The following ARPP21 variants were observed in gnomAD, a reference collection of about 807,000 sequenced individuals.
The protein encoded by ARPP21 is cAMP regulated phosphoprotein 21, also known as cAMP-regulated phosphoprotein 21.
A neutral mutation model predicts 113.2 loss-of-function variants in ARPP21; 69 were observed. The observed-to-expected ratio is 0.61, with a 90% CI of 0.50 to 0.74. The LOEUF is 0.74. ARPP21 is among the 30% of genes least tolerant of loss of function. The pLI is 0.00. For missense variants in ARPP21, 1,070 were observed against 1,037.4 expected (o/e 1.03, Z -0.43); for synonymous variants, 368 against 375.5 (o/e 0.98, Z 0.23).
chr3:35,703,373 A>G lies in ARPP21; in HGVS notation c.687-3601A>G, dbSNP rs552890534. Among the ~76,000 whole-genome samples the G allele has an allele frequency of 5.9e-5, 9 of 152,032 alleles. No individual in the cohort carries two copies. In the East Asian group the frequency reaches 1.4e-3, roughly 23 times the overall value. Reference sequence around the variant, plus strand: ...GTTTGTCAATTCATGAGCTATGCCCAGTGAAGGAACAATGAAGAATTAATT... The same window carrying G: ...GTTTGTCAATTCATGAGCTATGCCCGGTGAAGGAACAATGAAGAATTAATT... On this transcript the variant is annotated intron_variant, in intron 9 of 20. Transcript: ENST00000684406.
At chr3:35,786,854 A>G (rs925188221) in intron 19 of ARPP21, among the ~76,000 whole-genome samples, 4 of 152,136 alleles carry the variant, frequency 2.6e-5, no homozygotes, top group African/African-American at 9.7e-5. Flanking sequence ...AGGAACATCC[A>G]TGACCCCAAA....
intron 15 of ARPP21, among the ~76,000 whole-genome samples, 180 bp downstream of exon 15, chr3:35,729,716 A>G (rs2093809271): frequency 2.0e-5 from 3 of 152,216 alleles, no homozygotes; most frequent in South Asian, 2.1e-4. Context: ...CTATAACTCT[A>G]TATTTATATC....
intron 9 of ARPP21, among the ~76,000 whole-genome samples, chr3:35,696,472 T>A (rs894015047): frequency 6.6e-6 from 1 of 151,540 alleles, no homozygotes; most frequent in Non-Finnish European, 1.5e-5. Context: ...TGGGTCTTAA[T>A]AGCTGGGACT....
intron 1 of ARPP21, among the ~76,000 whole-genome samples, chr3:35,664,512 TC>T (rs1480286285): frequency 6.6e-6 from 1 of 152,120 alleles, no homozygotes; most frequent in African/African-American, 2.4e-5. Flanking sequence ...CAACTTCAAG[TC>T]CCCAGGTGGC....
Position 35,789,017 on chromosome 3 carries a change from A to G in ARPP21, c.2138-3365A>G, listed in dbSNP as rs183506082. Reference sequence around the variant, plus strand: ...TGAAAATTGAATCGATCTTGACTGAAAAAGAAATAATAAAAATAGCTAATG... The same window carrying G: ...TGAAAATTGAATCGATCTTGACTGAGAAAGAAATAATAAAAATAGCTAATG... On this transcript the variant is annotated intron_variant, in intron 19 of 20. Coordinates refer to ENST00000684406, the MANE Select transcript of ARPP21 (RefSeq NM_001385562.1). 2.6e-5 allele frequency among the ~76,000 whole-genome samples: 4 copies of G among 152,358 alleles called. No homozygotes were observed. In the East Asian group the frequency reaches 7.7e-4, roughly 29 times the overall value.
intron 1 of ARPP21, among the ~76,000 whole-genome samples, chr3:35,643,371 A>T (rs1698888280): frequency 6.6e-6 from 1 of 152,112 alleles, no homozygotes; most frequent in African/African-American, 2.4e-5. Context: ...TAAGGAAAAT[A>T]CATCACAATG....
intron 19 of ARPP21, among the ~76,000 whole-genome samples, chr3:35,769,559 T>G (rs2096119645): frequency 6.6e-6 from 1 of 152,298 alleles, no homozygotes; most frequent in East Asian, 1.9e-4. Flanking sequence ...ATTTAAAAAT[T>G]ATTTAATGGT....
At chr3:35,757,059 C>T (rs1312914099) in intron 19 of ARPP21, among the ~76,000 whole-genome samples, 2 of 145,678 alleles carry the variant, frequency 1.4e-5, no homozygotes, top group African/African-American at 5.2e-5. Context: ...GTTTGAAGTG[C>T]CTTTTAGTGA....
chr3:35,730,281 C>G (rs12635405), intron 15 of ARPP21, among the ~76,000 whole-genome samples: 54,442 of 152,150 alleles, frequency 0.36, 10,980 homozygotes, highest in East Asian at 0.72. Context: ...AGCCAATGAA[C>G]TCAGGAACAT....
intron 8 of ARPP21, 63 bp downstream of exon 8, chr3:35,690,203 T>C: frequency 1.2e-6 from 1 of 822,548 alleles, no homozygotes. Flanking sequence ...TGGAGTTAAA[T>C]TGTCCATTCT....
At chr3:35,708,838 CAG>C in intron 10 of ARPP21, 129 bp from the exon 11 acceptor site, 1 of 661,308 alleles carries the variant, frequency 1.5e-6, no homozygotes, top group Non-Finnish European at 2.6e-6. Context: ...CCTCAGGAAA[CAG>C]AGAGAATGAG....
At chr3:35,719,246 G>C (rs1051087235) in intron 13 of ARPP21, among the ~76,000 whole-genome samples, 6 of 152,180 alleles carry the variant, frequency 3.9e-5, no homozygotes, top group African/African-American at 1.2e-4. Flanking sequence ...ATATAAAATA[G>C]AGGAGTACAA....
intron 6 of ARPP21, 91 bp from the exon 7 acceptor site, chr3:35,689,216 A>G (rs2081518686): frequency 4.1e-6 from 3 of 737,266 alleles, no homozygotes; most frequent in African/African-American, 1.8e-5. Context: ...AATTTATCTG[A>G]GCAGGGGGAA....
chr3:35,714,994 G>C (rs1053389589), intron 11 of ARPP21: 1 of 154,044 alleles, frequency 6.5e-6, no homozygotes, highest in South Asian at 2.0e-4. Flanking sequence ...ATAATTTCAG[G>C]ATTGTGGCTT....
rs1430002793 is a variant in ARPP21 at position 35,682,841 on chromosome 3, C to A, written c.130-7C>A. On this transcript the variant is annotated splice_region_variant and splice_polypyrimidine_tract_variant and intron_variant, in intron 3 of 20. Coordinates refer to ENST00000684406, the MANE Select transcript of ARPP21 (RefSeq NM_001385562.1). ...TTATTTTGTTTTATTTTCTTTCCAA[C>A]ATACAGAGGCGGCTGGAGGCTCAGA... is the stretch of plus-strand genomic sequence containing the variant. 3.1e-6 allele frequency: 5 copies of A among 1,604,130 alleles called. No individual in the cohort carries two copies. The highest frequency in any genetic ancestry group is 4.3e-6 in the Non-Finnish European group (5 of 1,175,678).
chr3:35,769,258 C>G (rs774863784), intron 19 of ARPP21, among the ~76,000 whole-genome samples: 3 of 152,096 alleles, frequency 2.0e-5, no homozygotes, highest in Admixed American at 6.6e-5. Flanking sequence ...AACATGCCCG[C>G]GAAGAGGCAC....
chr3:35,767,986 G>T (rs1055855707), intron 19 of ARPP21, among the ~76,000 whole-genome samples: 1 of 151,422 alleles, frequency 6.6e-6, no homozygotes, highest in African/African-American at 2.4e-5. Context: ...ACAGTTTCTG[G>T]CTCTATCAAC....
intron 20 of ARPP21, among the ~76,000 whole-genome samples, chr3:35,793,330 T>A (rs1188394333): frequency 1.3e-5 from 2 of 152,248 alleles, no homozygotes; most frequent in East Asian, 1.9e-4. Context: ...CTTTTCAAAC[T>A]GAGAGAAACC....
At chr3:35,786,764 AC>A in intron 19 of ARPP21, among the ~76,000 whole-genome samples, 1 of 151,774 alleles carries the variant, frequency 6.6e-6, no homozygotes, top group Non-Finnish European at 1.5e-5. Flanking sequence ...GTGCCCGAGG[AC>A]CCCTGGTTCT....
Sources: gnomAD v4.1 joint callset for allele counts (sites outside exome capture counted in the v4.1 genomes callset) on GRCh38, gnomAD v4.1.1 for gene constraint, MANE v1.5 for transcripts, NCBI Gene and HGNC (gene_info 2026-07-23, HGNC 2026-07-21) for gene names.